The following HMGN5 variants were observed in gnomAD, a reference collection of about 807,000 sequenced individuals.
The protein encoded by HMGN5 is high mobility group nucleosome binding domain 5, also known as high mobility group nucleosome-binding domain-containing protein 5.
A neutral mutation model predicts 9.5 loss-of-function variants in HMGN5; 4 were observed. The observed-to-expected ratio is 0.42, with a 90% CI of 0.21 to 0.96. HMGN5 has a LOEUF of 0.96. Among genes scored for constraint, HMGN5 ranks in the 40% least tolerant of loss-of-function variants. The pLI is 0.30. For missense variants in HMGN5, 192 were observed against 187.5 expected (o/e 1.02, Z -0.14); for synonymous variants, 55 against 57.1 (o/e 0.96, Z 0.16).
At chrX:81,145,011 A>G (rs2075339636) in intron 1 of HMGN5, among the ~76,000 whole-genome samples, 1 of 111,905 alleles carries the variant, frequency 8.9e-6, no homozygotes, top group Admixed American at 9.5e-5. Flanking sequence ...GGAAAGGCCA[A>G]ATCTACGTTT....
intron 1 of HMGN5, among the ~76,000 whole-genome samples, chrX:81,176,901 A>G (rs1381952036): frequency 9.0e-6 from 1 of 111,389 alleles, no homozygotes; most frequent in Admixed American, 9.6e-5. Flanking sequence ...AGAAAGACCT[A>G]GAAAGACAGG....
chrX:81,151,740 C>A (rs1433225105), intron 1 of HMGN5, among the ~76,000 whole-genome samples: 1 of 110,310 alleles, frequency 9.1e-6, no homozygotes, highest in Admixed American at 9.7e-5. Context: ...CATGATTTGG[C>A]TCTCTGTTTG....
intron 1 of HMGN5, among the ~76,000 whole-genome samples, chrX:81,134,595 C>A (rs1240888173): frequency 9.0e-6 from 1 of 111,136 alleles, no homozygotes; most frequent in Admixed American, 9.6e-5. Context: ...CCAACTCCCT[C>A]CCCCAATGTA....
chrX:81,150,540 T>C (rs779691397), intron 1 of HMGN5, among the ~76,000 whole-genome samples: 1 of 111,708 alleles, frequency 9.0e-6, no homozygotes, highest in South Asian at 3.8e-4. Flanking sequence ...CACTCCAGCC[T>C]GGGCACTGAG....
At chrX:81,150,074 A>T (rs1344774444) in intron 1 of HMGN5, among the ~76,000 whole-genome samples, 1 of 112,417 alleles carries the variant, frequency 8.9e-6, no homozygotes, top group African/African-American at 3.2e-5. Flanking sequence ...ACAGATATTT[A>T]CAGAACACTT....
At chrX:81,132,383 C>CA (rs760451055) in intron 1 of HMGN5, among the ~76,000 whole-genome samples, 1 of 111,303 alleles carries the variant, frequency 9.0e-6, no homozygotes, top group East Asian at 2.8e-4. Flanking sequence ...CATATGGAAC[C>CA]AAAAAACACC....
At chrX:81,136,861 A>G (rs2075312555) in intron 1 of HMGN5, among the ~76,000 whole-genome samples, 1 of 111,566 alleles carries the variant, frequency 9.0e-6, no homozygotes, top group African/African-American at 3.3e-5. Flanking sequence ...ATGGAAAAAG[A>G]CACACCAAGT....
intron 1 of HMGN5, among the ~76,000 whole-genome samples, chrX:81,191,707 G>A (rs1157575537): frequency 8.9e-6 from 1 of 111,911 alleles, no homozygotes; most frequent in African/African-American, 3.2e-5. Context: ...GAGATAAGCA[G>A]CCTACACACC....
At chrX:81,153,164 A>G (rs1332801277) in intron 1 of HMGN5, among the ~76,000 whole-genome samples, 1 of 109,175 alleles carries the variant, frequency 9.2e-6, no homozygotes, top group Non-Finnish European at 1.9e-5. Flanking sequence ...AAAAAAATAA[A>G]AAAATAAAAA....
At chrX:81,148,491 T>A (rs746777588) in intron 1 of HMGN5, among the ~76,000 whole-genome samples, 1 of 112,011 alleles carries the variant, frequency 8.9e-6, no homozygotes, top group East Asian at 2.8e-4. Context: ...CAAGATGGAT[T>A]AAAGGCTTAA....
At chrX:81,169,697 G>A (rs1184596092) in intron 1 of HMGN5, among the ~76,000 whole-genome samples, 3 of 110,878 alleles carry the variant, frequency 2.7e-5, no homozygotes, top group African/African-American at 6.6e-5. Context: ...AGCCATAGAG[G>A]GATATCAAGA....
chrX:81,198,767 T>C (rs778708835), intron 1 of HMGN5, among the ~76,000 whole-genome samples: 3 of 111,464 alleles, frequency 2.7e-5, no homozygotes, highest in Non-Finnish European at 3.8e-5. Context: ...CCACAGCCAA[T>C]ATAATACTGA....
At chrX:81,130,084 G>C (rs1364697185) in intron 1 of HMGN5, among the ~76,000 whole-genome samples, 4 of 111,201 alleles carry the variant, frequency 3.6e-5, no homozygotes, top group Non-Finnish European at 5.7e-5. Flanking sequence ...TCCTTGTATA[G>C]GGAAGATTTA....
intron 4 of HMGN5, 21 bp downstream of exon 4, chrX:81,118,708 GC>G (rs768020366): frequency 8.5e-7 from 1 of 1,179,006 alleles, no homozygotes; most frequent in African/African-American, 1.8e-5. Context: ...TACATGGGCT[GC>G]TTTTTGAAAA....
At position 81,114,905 on chromosome X, in the gene HMGN5, T is replaced by G; in HGVS notation, c.593A>C (p.Glu198Ala). 8.6e-7 allele frequency: 1 copy of G among 1,163,836 alleles called. No homozygotes were observed. Residue 198 changes from glutamate to alanine, a missense_variant, in exon 7 of 7, where the codon GAG (glutamate) becomes GCG (alanine). Transcript: ENST00000358130. ...DGKEKGEDEK[E>A]EEDRKETGDG... ...TCCTGTTTCTTTTCTGTCTTCTTCC[T>G]CTTTTTCATCTTCTCCTTTCTCTTT...
At chrX:81,116,392 GTTGA>G in intron 5 of HMGN5, 51 bp from the exon 6 acceptor site, 1 of 872,429 alleles carries the variant, frequency 1.1e-6, no homozygotes. Context: ...TAACTGCTGT[GTTGA>G]TTAAATGGTC....
intron 1 of HMGN5, among the ~76,000 whole-genome samples, chrX:81,153,631 ATATATATATG>A (rs2075374738): frequency 4.3e-5 from 2 of 45,995 alleles, no homozygotes; most frequent in East Asian, 7.1e-4. Flanking sequence ...ATATATATAT[ATATATATATG>A]TATCTCCTTG....
Position 81,157,028 on chromosome X carries a change from T to C in HMGN5, c.-123-35356A>G, listed in dbSNP as rs144829392. Among the ~76,000 whole-genome samples, 376 of 111,958 alleles carry C rather than the reference T, an allele frequency of 3.4e-3. 1 individual carries two copies. The highest frequency in any genetic ancestry group is 9.4e-3 in the South Asian group (25 of 2,656). The stretch of plus-strand genomic sequence containing the variant: ...ATTTTTCTACCCTAGTAGATTCTTA[T>C]AGATAGTGGGTCTCTCTTGGAAGCA... On this transcript the variant is annotated intron_variant, in intron 1 of 6. Transcript: ENST00000358130.
At chrX:81,153,583 C>CTCTCTCTCTA (rs2075373226) in intron 1 of HMGN5, among the ~76,000 whole-genome samples, 1 of 6,142 alleles carries the variant, frequency 1.6e-4, no homozygotes, top group Non-Finnish European at 3.1e-4. Context: ...CTCTCTCTCT[C>CTCTCTCTCTA]TATATATATA....
Sources: allele counts gnomAD v4.1 joint callset (sites outside exome capture counted in the v4.1 genomes callset), GRCh38; gene constraint gnomAD v4.1.1; transcripts MANE v1.5; gene names NCBI Gene and HGNC (gene_info 2026-07-23, HGNC 2026-07-21).